Variants in TAOK3 observed in about 807,000 individuals in gnomAD.
TAOK3 encodes the protein serine/threonine-protein kinase TAO3.
TAOK3 carries 40 observed loss-of-function variants against 120.4 expected under a neutral mutation model. The ratio of observed to expected loss-of-function variants is 0.33; its 90% CI spans 0.26 to 0.43. The LOEUF (loss-of-function observed/expected upper bound fraction) is 0.43. Ranked by LOEUF, TAOK3 falls within the 20% of genes least tolerant of loss-of-function variation. TAOK3 has a pLI of 1.00. For missense variants in TAOK3, 821 were observed against 1,112.1 expected, an observed-to-expected ratio of 0.74 and a Z score of 3.72; for synonymous variants, 355 against 387.5, an observed-to-expected ratio of 0.92 and a Z score of 0.99.
chr12:118,211,118 C>T (rs886946283), intron 11 of TAOK3, among the ~76,000 whole-genome samples: 16 of 152,264 alleles, frequency 1.1e-4, no homozygotes, highest in Admixed American at 2.0e-4. Context: ...GTATTCTCTG[C>T]GCTTAGAATA....
At chr12:118,195,926 T>C (rs529405556) in intron 13 of TAOK3, among the ~76,000 whole-genome samples, 2 of 152,182 alleles carry the variant, frequency 1.3e-5, no homozygotes, top group Non-Finnish European at 2.9e-5. Context: ...GGCAGGCGCC[T>C]GTAGTCCCAG....
At chr12:118,368,501 T>C (rs1032962589) in intron 1 of TAOK3, among the ~76,000 whole-genome samples, 6 of 140,918 alleles carry the variant, frequency 4.3e-5, no homozygotes, top group African/African-American at 1.5e-4. Context: ...CCCGGCCTGG[T>C]TATTTTTTTT....
At position 118,152,193 on chromosome 12, in the gene TAOK3, C is replaced by G; in HGVS notation, c.2535+34G>C. 3.1e-6 allele frequency: 5 copies of G among 1,596,472 alleles called. 1 individual carries two copies. The South Asian group carries it at 5.6e-5, about 18-fold the overall frequency. Reference sequence around the variant, plus strand: ...TCCCTCAGCCACGCCCCCTTCCACCCAGTGGCACCGGACCCCTGGTAATGC... The same window carrying G: ...TCCCTCAGCCACGCCCCCTTCCACCGAGTGGCACCGGACCCCTGGTAATGC... On this transcript the variant is annotated intron_variant, in intron 20 of 20. Transcript: ENST00000392533.
At chr12:118,331,896 A>G (rs938679251) in intron 1 of TAOK3, among the ~76,000 whole-genome samples, 1 of 149,030 alleles carries the variant, frequency 6.7e-6, no homozygotes, top group Non-Finnish European at 1.5e-5. Context: ...GCACGATCTC[A>G]GCTCACTGCA....
At chr12:118,168,941 G>C (rs2035782064) in intron 17 of TAOK3, among the ~76,000 whole-genome samples, 1 of 150,994 alleles carries the variant, frequency 6.6e-6, no homozygotes, top group African/African-American at 2.5e-5. Flanking sequence ...GTGCAGTACT[G>C]AATCAGCTTG....
At chr12:118,196,241 G>A (rs2037723618) in intron 13 of TAOK3, among the ~76,000 whole-genome samples, 1 of 152,134 alleles carries the variant, frequency 6.6e-6, no homozygotes, top group African/African-American at 2.4e-5. Flanking sequence ...ATCTGTGGTA[G>A]AACTGTCCTG....
chr12:118,232,852 C>A (rs190111339), intron 9 of TAOK3, among the ~76,000 whole-genome samples: 1 of 152,042 alleles, frequency 6.6e-6, no homozygotes, highest in Non-Finnish European at 1.5e-5. Context: ...TTGCAATGAG[C>A]CGAGATTGTG....
Position 118,303,744 on chromosome 12 carries a change from T to A in TAOK3, c.-193-36985A>T, listed in dbSNP as rs553878618. Among the ~76,000 whole-genome samples, 28 of 152,232 alleles carry A rather than the reference T, an allele frequency of 1.8e-4. No homozygotes were observed. The East Asian group carries it at 5.4e-3, about 29-fold the overall frequency. On this transcript the variant is annotated intron_variant, in intron 1 of 20. Transcript: ENST00000392533. ...CTCACTGCAACCTCCACCTCCCGGG[T>A]TTAAGCAATTCTCCTGCCTCAGCTT...
intron 11 of TAOK3, among the ~76,000 whole-genome samples, chr12:118,207,975 T>C (rs1404195982): frequency 6.6e-6 from 1 of 151,994 alleles, no homozygotes; most frequent in African/African-American, 2.4e-5. Flanking sequence ...ACAGATCCTC[T>C]AAAGTTAAAA....
Position 118,244,886 on chromosome 12 carries a change from T to C in TAOK3, c.192+8A>G, listed in dbSNP as rs750717881. On this transcript the variant is annotated splice_region_variant and intron_variant, in intron 4 of 20. Transcript: ENST00000392533. The stretch of plus-strand genomic sequence containing the variant: ...TTCAGTTTAGGTATACAACTGTCTC[T>C]ATCTCACCTCATGGGTCTGCTTCCC... 2 of 1,595,680 alleles carry C rather than the reference T, an allele frequency of 1.3e-6. No homozygotes were observed. Among genetic ancestry groups the C allele is most frequent in the South Asian group, 1.1e-5 (1 of 90,720 alleles).
intron 1 of TAOK3, among the ~76,000 whole-genome samples, chr12:118,269,714 C>A (rs1458133587): frequency 6.6e-6 from 1 of 152,124 alleles, no homozygotes; most frequent in African/African-American, 2.4e-5. Context: ...TTCTCTTCAT[C>A]TTTGGTTGCC....
intron 2 of TAOK3, among the ~76,000 whole-genome samples, chr12:118,260,974 C>T (rs1215812621): frequency 1.3e-5 from 2 of 152,220 alleles, no homozygotes; most frequent in Non-Finnish European, 2.9e-5. Flanking sequence ...AGCCACCACA[C>T]CTGGCCCTCA....
At chr12:118,288,492 T>C (rs2140491899) in intron 1 of TAOK3, among the ~76,000 whole-genome samples, 1 of 152,294 alleles carries the variant, frequency 6.6e-6, no homozygotes, top group South Asian at 2.1e-4. Flanking sequence ...CACCAGAAGC[T>C]GAATTGGCTG....
chr12:118,288,262 T>A (rs1175832721), intron 1 of TAOK3, among the ~76,000 whole-genome samples: 1 of 152,112 alleles, frequency 6.6e-6, no homozygotes, highest in Non-Finnish European at 1.5e-5. Flanking sequence ...GGTTCTGCTA[T>A]GGACTGAATT....
chr12:118,233,719 C>T lies in TAOK3; in HGVS notation c.598G>A (p.Gly200Arg). ...CCAAGTGACCAAATATCAACTTTCC[C>T]ATCATACTGTCCTTCATCCATAGCT... ...ILAMDEGQYD[G>R]KVDIWSLGIT... Residue 200 changes from glycine to arginine, a missense_variant, in exon 9 of 21, where the codon GGG becomes AGG. Coordinates refer to ENST00000392533, the MANE Select transcript of TAOK3 (RefSeq NM_016281.4). 1.9e-6 allele frequency: 3 copies of T among 1,610,086 alleles called. No homozygotes were observed. The highest frequency in any genetic ancestry group is 2.5e-6 in the Non-Finnish European group (3 of 1,178,316).
intron 9 of TAOK3, among the ~76,000 whole-genome samples, chr12:118,233,051 A>G (rs1208059228): frequency 1.3e-5 from 2 of 152,088 alleles, no homozygotes; most frequent in Non-Finnish European, 2.9e-5. Context: ...GCACATATAC[A>G]CCATGGAATA....
At chr12:118,152,606 AAC>A in intron 19 of TAOK3, 197 bp from the exon 20 acceptor site, 1 of 543,790 alleles carries the variant, frequency 1.8e-6, no homozygotes, top group Non-Finnish European at 3.3e-6. Context: ...TACAATACCA[AAC>A]ACATTCTTTT....
intron 14 of TAOK3, among the ~76,000 whole-genome samples, chr12:118,182,599 G>GTGTGTGTATA: frequency 1.1e-5 from 1 of 93,902 alleles, no homozygotes; most frequent in South Asian, 4.4e-4. Flanking sequence ...GTGTGTGTGT[G>GTGTGTGTATA]TATATATATA....
At chr12:118,217,745 T>G (rs1391503040) in intron 9 of TAOK3, among the ~76,000 whole-genome samples, 2 of 145,386 alleles carry the variant, frequency 1.4e-5, no homozygotes, top group East Asian at 4.1e-4. Flanking sequence ...TATAGACAGT[T>G]AATTTTATGT....
Sources: allele counts gnomAD v4.1 joint callset (sites outside exome capture counted in the v4.1 genomes callset), GRCh38; gene constraint gnomAD v4.1.1; transcripts MANE v1.5; gene names NCBI Gene and HGNC (gene_info 2026-07-23, HGNC 2026-07-21).